The following CERS6 variants were observed in gnomAD, a reference collection of about 807,000 sequenced individuals.
CERS6 encodes ceramide synthase 6.
Under a neutral mutation model 56.8 loss-of-function variants are expected in CERS6, and 26 were observed. The ratio of observed to expected loss-of-function variants is 0.46; its 90% CI spans 0.34 to 0.63. CERS6 has a LOEUF of 0.63. Ranked by LOEUF, CERS6 falls within the 30% of genes least tolerant of loss-of-function variation. The pLI is 0.01. For missense variants in CERS6, 415 were observed against 467.5 expected (o/e 0.89, Z 1.04); for synonymous variants, 164 against 173.3 (o/e 0.95, Z 0.42).
chr2:168,582,016 A>G (rs908977332), intron 3 of CERS6, among the ~76,000 whole-genome samples: 7 of 152,114 alleles, frequency 4.6e-5, no homozygotes, highest in African/African-American at 1.7e-4. Flanking sequence ...GACCGTAACC[A>G]CCTTGGTCAT....
chr2:168,721,801 G>A (rs904748009), intron 8 of CERS6, among the ~76,000 whole-genome samples: 1 of 151,846 alleles, frequency 6.6e-6, no homozygotes, highest in East Asian at 2.0e-4. Context: ...TTATTTATTT[G>A]TAGAGACGGG....
intron 4 of CERS6, among the ~76,000 whole-genome samples, chr2:168,646,412 T>G (rs1447786784): frequency 6.6e-6 from 1 of 152,228 alleles, no homozygotes; most frequent in Non-Finnish European, 1.5e-5. Flanking sequence ...TAAATTTGTT[T>G]AATTCCTTAT....
intron 3 of CERS6, among the ~76,000 whole-genome samples, chr2:168,597,795 C>T (rs1441545568): frequency 2.0e-5 from 3 of 152,324 alleles, no homozygotes; most frequent in East Asian, 3.9e-4. Context: ...CCTGTATTTG[C>T]ACCTTTGACA....
At chr2:168,487,763 C>G (rs1298288158) in intron 1 of CERS6, among the ~76,000 whole-genome samples, 1 of 152,106 alleles carries the variant, frequency 6.6e-6, no homozygotes, top group Admixed American at 6.5e-5. Flanking sequence ...ATTCTGTCAC[C>G]TAGGCTGGAG....
chr2:168,635,099 A>G (rs1684833246), intron 4 of CERS6, among the ~76,000 whole-genome samples: 1 of 152,172 alleles, frequency 6.6e-6, no homozygotes, highest in Admixed American at 6.5e-5. Flanking sequence ...TGGACTTGTA[A>G]CAGACATTTC....
chr2:168,764,022 G>A lies in CERS6; in HGVS notation c.846-1570G>A, dbSNP rs146879359. ...TTTTATGTATCTACTCCAGGTGGCT[G>A]TTCCATTCTAGTTCTGATGGTAGAT... On this transcript the variant is annotated intron_variant, in intron 8 of 9. Coordinates refer to ENST00000305747, the MANE Select transcript of CERS6 (RefSeq NM_203463.3). Among the ~76,000 whole-genome samples, 61 of 152,332 alleles carry A rather than the reference G, an allele frequency of 4.0e-4. 1 individual carries two copies. The East Asian group carries it at 4.0e-3, about 10-fold the overall frequency.
chr2:168,489,685 G>A (rs1694334455), intron 1 of CERS6, among the ~76,000 whole-genome samples: 1 of 151,770 alleles, frequency 6.6e-6, no homozygotes, highest in South Asian at 2.1e-4. Flanking sequence ...ATTTATTTCA[G>A]ATATTATATT....
chr2:168,680,680 A>C (rs1574155533), intron 4 of CERS6, among the ~76,000 whole-genome samples: 1 of 151,724 alleles, frequency 6.6e-6, no homozygotes, highest in East Asian at 1.9e-4. Flanking sequence ...CTTCCTCCTT[A>C]ATGGGATTTA....
intron 3 of CERS6, among the ~76,000 whole-genome samples, chr2:168,564,053 A>G (rs1011368901): frequency 2.0e-5 from 3 of 151,728 alleles, no homozygotes; most frequent in Non-Finnish European, 4.4e-5. Context: ...TGTTTGCATC[A>G]TTTATTCTGT....
At chr2:168,533,758 C>T (rs1375121444) in intron 1 of CERS6, among the ~76,000 whole-genome samples, 1 of 152,080 alleles carries the variant, frequency 6.6e-6, no homozygotes, top group African/African-American at 2.4e-5. Context: ...GCATGTTGGT[C>T]TGTCTTGCTA....
At chr2:168,484,306 CG>C (rs1337797592) in intron 1 of CERS6, among the ~76,000 whole-genome samples, 1 of 150,558 alleles carries the variant, frequency 6.6e-6, no homozygotes, top group Non-Finnish European at 1.5e-5. Flanking sequence ...CTCAGCCTCC[CG>C]AGTAGCTGGG....
At chr2:168,765,554 A>G in intron 8 of CERS6, 38 bp from the exon 9 acceptor site, 1 of 1,602,182 alleles carries the variant, frequency 6.2e-7, no homozygotes, top group Non-Finnish European at 8.5e-7. Flanking sequence ...AGCAAAGGAA[A>G]ATGCCACATT....
chr2:168,726,776 T>A (rs989551825), intron 8 of CERS6, among the ~76,000 whole-genome samples: 12 of 152,248 alleles, frequency 7.9e-5, no homozygotes, highest in Non-Finnish European at 1.8e-4. Flanking sequence ...AAGATATAAA[T>A]TCCCATTATA....
chr2:168,663,757 T>C (rs1384959329), intron 4 of CERS6, among the ~76,000 whole-genome samples: 1 of 143,352 alleles, frequency 7.0e-6, no homozygotes, highest in Non-Finnish European at 1.6e-5. Flanking sequence ...TAGTGTTATA[T>C]GTAATATATA....
intron 8 of CERS6, among the ~76,000 whole-genome samples, chr2:168,724,883 A>G (rs1427796875): frequency 2.6e-5 from 4 of 152,216 alleles, no homozygotes; most frequent in Non-Finnish European, 5.9e-5. Context: ...CTGCCAGTCC[A>G]GCGCCGTGTG....
chr2:168,680,901 C>T (rs7601307), intron 4 of CERS6, among the ~76,000 whole-genome samples: 86,387 of 152,062 alleles, frequency 0.57, 24,709 homozygotes, highest in African/African-American at 0.6. Context: ...GGACCAAGTG[C>T]CTTTTCATGT....
intron 1 of CERS6, among the ~76,000 whole-genome samples, chr2:168,541,387 C>A (rs1164750914): frequency 1.3e-5 from 2 of 152,128 alleles, no homozygotes; most frequent in Admixed American, 1.3e-4. Context: ...AGTTTGTCTC[C>A]TTTTTCCCTG....
At chr2:168,648,902 G>T (rs1685270756) in intron 4 of CERS6, among the ~76,000 whole-genome samples, 1 of 152,088 alleles carries the variant, frequency 6.6e-6, no homozygotes, top group Non-Finnish European at 1.5e-5. Context: ...ATTGTTGTAT[G>T]ACCAATTATA....
chr2:168,509,599 G>A (rs1399748481), intron 1 of CERS6, among the ~76,000 whole-genome samples: 3 of 152,134 alleles, frequency 2.0e-5, no homozygotes, highest in East Asian at 1.9e-4. Flanking sequence ...TGGGAATGTC[G>A]GGTTAATCAT....
Sources: allele counts gnomAD v4.1 joint callset (sites outside exome capture counted in the v4.1 genomes callset), GRCh38; gene constraint gnomAD v4.1.1; transcripts MANE v1.5; gene names NCBI Gene and HGNC (gene_info 2026-07-23, HGNC 2026-07-21).